Variants in ARID4A observed in about 807,000 individuals in gnomAD.
The protein encoded by ARID4A is AT-rich interaction domain 4A.
Under a neutral mutation model 148.6 loss-of-function variants are expected in ARID4A, and 39 were observed. The observed-to-expected ratio is 0.26, with a 90% CI of 0.20 to 0.34. The LOEUF (loss-of-function observed/expected upper bound fraction) is 0.34. Ranked by LOEUF, ARID4A falls within the 10% of genes least tolerant of loss-of-function variation. ARID4A has a pLI of 1.00. For synonymous variants in ARID4A, 475 were observed against 481.2 expected, an observed-to-expected ratio of 0.99 and a Z score of 0.17; for missense variants, 1,265 against 1,449.1, an observed-to-expected ratio of 0.87 and a Z score of 2.06.
At chr14:58,326,718 G>T (rs1440656490) in intron 8 of ARID4A, among the ~76,000 whole-genome samples, 1 of 152,132 alleles carries the variant, frequency 6.6e-6, no homozygotes, top group Non-Finnish European at 1.5e-5. Context: ...CTATTTGAAG[G>T]CCATTAAATA....
In ARID4A at chr14:58,373,635, G is replaced by T. The variant is rs1431950697; in HGVS notation, c.*1646G>T. 1 of 175,822 alleles carries T rather than the reference G, an allele frequency of 5.7e-6. No individual in the cohort carries two copies. The highest frequency in any genetic ancestry group is 2.4e-5 in the African/African-American group (1 of 42,186). 10.9% of individuals were successfully genotyped at this position (175,822 alleles called of 1,614,324 possible). ...AACAAAAAAAGTACTCTTGTAAAATGCACTTTTCTGTCTTTTCTTTGCAAA... is the reference window on the plus strand; with the variant it reads ...AACAAAAAAAGTACTCTTGTAAAATTCACTTTTCTGTCTTTTCTTTGCAAA... On this transcript the variant is annotated 3_prime_UTR_variant, in exon 24 of 24. Coordinates refer to ENST00000355431, the MANE Select transcript of ARID4A (RefSeq NM_002892.4).
chr14:58,312,990 T>G (rs1449107087), intron 5 of ARID4A, among the ~76,000 whole-genome samples: 2 of 152,216 alleles, frequency 1.3e-5, no homozygotes, highest in Non-Finnish European at 2.9e-5. Context: ...TAGTAGTTGA[T>G]CAGATCCTTT....
chr14:58,304,774 A>G (rs2031468334), intron 3 of ARID4A, among the ~76,000 whole-genome samples, 170 bp from the exon 4 acceptor site: 2 of 152,214 alleles, frequency 1.3e-5, no homozygotes, highest in Non-Finnish European at 2.9e-5. Flanking sequence ...GGGAAGACTC[A>G]GCCCTCAAGG....
chr14:58,346,397 C>T lies in ARID4A; in HGVS notation c.980-14C>T. The T allele has an allele frequency of 1.3e-6, 2 of 1,550,952 alleles. No homozygotes were observed. Among genetic ancestry groups the T allele is most frequent in the Non-Finnish European group, 8.8e-7 (1 of 1,130,880 alleles). On this transcript the variant is annotated splice_polypyrimidine_tract_variant and intron_variant, in intron 12 of 23. Coordinates refer to ENST00000355431, the MANE Select transcript of ARID4A (RefSeq NM_002892.4). The stretch of plus-strand genomic sequence containing the variant: ...TGAATAAACATTTTATTTCTACCTA[C>T]TTACATTGAAAAGGTACTCCAATCA...
At chr14:58,328,919 G>A (rs1437415644) in intron 9 of ARID4A, among the ~76,000 whole-genome samples, 1 of 151,738 alleles carries the variant, frequency 6.6e-6, no homozygotes, top group African/African-American at 2.4e-5. Flanking sequence ...CTTGAACCCG[G>A]GAGGCAGAGG....
In ARID4A at chr14:58,302,546, T is replaced by A. The variant is rs549104790; in HGVS notation, c.117+856T>A. Among the ~76,000 whole-genome samples the A allele has an allele frequency of 3.9e-5, 6 of 152,174 alleles. 1 individual carries two copies. Among genetic ancestry groups the A allele is most frequent in the African/African-American group, 1.4e-4 (6 of 41,520 alleles). On this transcript the variant is annotated intron_variant, in intron 3 of 23. Coordinates refer to ENST00000355431, the MANE Select transcript of ARID4A (RefSeq NM_002892.4). Reference sequence around the variant, plus strand: ...GGTGGTGCACACCTGTAGTCCCAGCTACTCGGGAGGCTGAGGCAGGAGAAT... The same window carrying A: ...GGTGGTGCACACCTGTAGTCCCAGCAACTCGGGAGGCTGAGGCAGGAGAAT...
chr14:58,360,447 C>T (rs919280171), intron 18 of ARID4A, among the ~76,000 whole-genome samples: 11 of 152,160 alleles, frequency 7.2e-5, no homozygotes, highest in African/African-American at 9.7e-5. Flanking sequence ...GCCAATTGTA[C>T]CCTCACCCAC....
chr14:58,307,641 G>A (rs1370943674), intron 5 of ARID4A, among the ~76,000 whole-genome samples: 4 of 152,166 alleles, frequency 2.6e-5, no homozygotes, highest in South Asian at 4.1e-4. Context: ...CCAACATGGC[G>A]AAACCTTGTC....
intron 15 of ARID4A, among the ~76,000 whole-genome samples, chr14:58,349,396 C>T (rs1373991123): frequency 6.6e-6 from 1 of 151,736 alleles, no homozygotes; most frequent in East Asian, 1.9e-4. Flanking sequence ...CCTGTAATCC[C>T]AGCACTTTGG....
intron 8 of ARID4A, among the ~76,000 whole-genome samples, 168 bp from the exon 9 acceptor site, chr14:58,328,068 AT>A (rs1270174217): frequency 2.0e-5 from 3 of 152,174 alleles, no homozygotes; most frequent in South Asian, 4.1e-4. Context: ...ATAAGGGTAT[AT>A]TTTTTTGTAT....
At chr14:58,360,454 C>T (rs762929230) in intron 18 of ARID4A, among the ~76,000 whole-genome samples, 1 of 152,128 alleles carries the variant, frequency 6.6e-6, no homozygotes, top group African/African-American at 2.4e-5. Flanking sequence ...GTACCCTCAC[C>T]CACATCCTCA....
At chr14:58,312,326 C>T (rs1368368864) in intron 5 of ARID4A, among the ~76,000 whole-genome samples, 2 of 151,462 alleles carry the variant, frequency 1.3e-5, no homozygotes. Context: ...AAATGATTCT[C>T]CTGCCTCAGT....
In ARID4A at chr14:58,372,385, A is replaced by G. The variant is rs553585719; in HGVS notation, c.*396A>G. 3.6e-5 allele frequency: 9 copies of G among 248,836 alleles called. No individual in the cohort carries two copies. In the East Asian group the frequency reaches 4.8e-4, roughly 13 times the overall value. The allele number at this position is 248,836 out of a possible 1,614,324, so 15.4% of individuals were successfully genotyped here. Reference sequence around the variant, plus strand: ...GCTGAATAGTTACTGCTGCACTTTCACTAAGATGTATTTGAACACTTGGTG... The same window carrying G: ...GCTGAATAGTTACTGCTGCACTTTCGCTAAGATGTATTTGAACACTTGGTG... On this transcript the variant is annotated 3_prime_UTR_variant, in exon 24 of 24. Coordinates refer to ENST00000355431, the MANE Select transcript of ARID4A (RefSeq NM_002892.4).
chr14:58,339,117 T>C (rs948087126), intron 11 of ARID4A, among the ~76,000 whole-genome samples: 3 of 151,556 alleles, frequency 2.0e-5, no homozygotes, highest in African/African-American at 4.8e-5. Context: ...ATTATAGGCA[T>C]GCACCACCAT....
At chr14:58,323,464 T>A in intron 7 of ARID4A, 21 bp from the exon 8 acceptor site, 2 of 1,596,378 alleles carry the variant, frequency 1.3e-6, no homozygotes, top group Non-Finnish European at 1.7e-6. Context: ...AGGATAATGA[T>A]CAAGTTATTC....
At position 58,305,022 on chromosome 14, in the gene ARID4A, T is replaced by C. The variant is rs746264413; in HGVS notation, c.183+13T>C. The C allele has an allele frequency of 2.5e-6, 4 of 1,580,998 alleles. No homozygotes were observed. Among genetic ancestry groups the C allele is most frequent in the Non-Finnish European group, 1.7e-6 (2 of 1,164,576 alleles). ...GGGTCCTTTAAGAGTATGTATGTTGTACGGTTTAAAATCTGAAATAATCAT... is the reference window on the plus strand; with the variant it reads ...GGGTCCTTTAAGAGTATGTATGTTGCACGGTTTAAAATCTGAAATAATCAT... On this transcript the variant is annotated intron_variant, in intron 4 of 23. Transcript: ENST00000355431.
intron 11 of ARID4A, among the ~76,000 whole-genome samples, chr14:58,334,562 CATT>C (rs2033700710): frequency 6.6e-6 from 1 of 152,140 alleles, no homozygotes; most frequent in Non-Finnish European, 1.5e-5. Flanking sequence ...GTAAGCAAAT[CATT>C]ATTTCCTCCA....
chr14:58,372,122 T>A lies in ARID4A; in HGVS notation c.*133T>A, dbSNP rs886128981. The stretch of plus-strand genomic sequence containing the variant: ...ATCCTGTATACTTTTCCAGGCTGGA[T>A]TGTATCTATTCCCCTCTCTCTTCTT... On this transcript the variant is annotated 3_prime_UTR_variant, in exon 24 of 24. Transcript: ENST00000355431. 1.6e-6 allele frequency: 1 copy of A among 633,630 alleles called. No homozygotes were observed. Among genetic ancestry groups the A allele is most frequent in the Non-Finnish European group, 2.8e-6 (1 of 361,864 alleles). The allele number at this position is 633,630 out of a possible 1,614,324, so 39.3% of individuals were successfully genotyped here. A position where few individuals can be genotyped will look rare whatever the true frequency, so the allele number is the denominator to read the frequency against.
chr14:58,326,543 A>T (rs2033223706), intron 8 of ARID4A, among the ~76,000 whole-genome samples: 1 of 152,254 alleles, frequency 6.6e-6, no homozygotes, highest in Admixed American at 6.5e-5. Flanking sequence ...TATAGCTGTG[A>T]ACATAATTTG....
Sources: gnomAD v4.1 joint callset for allele counts (sites outside exome capture counted in the v4.1 genomes callset) on GRCh38, gnomAD v4.1.1 for gene constraint, MANE v1.5 for transcripts, NCBI Gene and HGNC (gene_info 2026-07-23, HGNC 2026-07-21) for gene names.